Variants in ADGRL3 observed in about 807,000 individuals in gnomAD.
The protein encoded by ADGRL3 is adhesion G protein-coupled receptor L3.
In ADGRL3, 62 loss-of-function variants were observed where a neutral mutation model predicts 153.5. The observed-to-expected ratio is 0.40, with a 90% CI of 0.33 to 0.50. The LOEUF (loss-of-function observed/expected upper bound fraction) is 0.50. Ranked by LOEUF, ADGRL3 falls within the 20% of genes least tolerant of loss-of-function variation. ADGRL3 has a pLI of 0.47. For synonymous variants in ADGRL3, 710 were observed against 672.5 expected (o/e 1.06, Z -0.86); for missense variants, 1,641 against 1,859.4 (o/e 0.88, Z 2.16).
chr4:61,516,727 C>T (rs2098497957), intron 3 of ADGRL3, among the ~76,000 whole-genome samples: 2 of 151,980 alleles, frequency 1.3e-5, no homozygotes, highest in South Asian at 4.1e-4. Flanking sequence ...CAGCACAGAT[C>T]TTAAAACAGC....
chr4:61,972,374 A>G (rs910426793), intron 17 of ADGRL3, among the ~76,000 whole-genome samples: 62 of 152,114 alleles, frequency 4.1e-4, no homozygotes, highest in Non-Finnish European at 7.1e-4. Flanking sequence ...CTTTCTACAT[A>G]TGGCTAGCCA....
At chr4:61,820,214 A>G (rs555783986) in intron 9 of ADGRL3, among the ~76,000 whole-genome samples, 1 of 152,312 alleles carries the variant, frequency 6.6e-6, no homozygotes, top group African/African-American at 2.4e-5. Context: ...GTTGCAAAGT[A>G]GCCACTGAAT....
At chr4:61,581,535 G>T (rs1219181415) in intron 4 of ADGRL3, among the ~76,000 whole-genome samples, 1 of 151,968 alleles carries the variant, frequency 6.6e-6, no homozygotes, top group Admixed American at 6.6e-5. Context: ...CTCTTAAAGG[G>T]CCATAGTTGC....
chr4:61,967,504 A>T (rs2099011279), intron 17 of ADGRL3, among the ~76,000 whole-genome samples: 1 of 152,302 alleles, frequency 6.6e-6, no homozygotes, highest in African/African-American at 2.4e-5. Context: ...TATCCTCTCA[A>T]CAAAAAGGTT....
chr4:61,410,329 C>CTTTT (rs2097069960), intron 2 of ADGRL3, among the ~76,000 whole-genome samples: 2 of 151,996 alleles, frequency 1.3e-5, no homozygotes, highest in Non-Finnish European at 2.9e-5. Flanking sequence ...AAACATTGTA[C>CTTTT]CTTTTATCAC....
chr4:61,757,388 AT>A (rs1279407898), intron 8 of ADGRL3, among the ~76,000 whole-genome samples: 6 of 151,884 alleles, frequency 4.0e-5, no homozygotes, highest in African/African-American at 1.5e-4. Context: ...TTTCTTCTAG[AT>A]TTTCTAGTTT....
At chr4:61,509,735 C>T (rs1423645334) in intron 3 of ADGRL3, among the ~76,000 whole-genome samples, 1 of 152,052 alleles carries the variant, frequency 6.6e-6, no homozygotes, top group East Asian at 1.9e-4. Context: ...TATACAAATG[C>T]ATATGTCTTT....
chr4:61,438,262 T>C (rs534015389), intron 2 of ADGRL3, among the ~76,000 whole-genome samples: 3 of 152,242 alleles, frequency 2.0e-5, no homozygotes, highest in South Asian at 4.1e-4. Context: ...AAAATGCATA[T>C]GAAAATATAA....
chr4:61,286,363 A>C (rs1185857035), intron 1 of ADGRL3, among the ~76,000 whole-genome samples: 1 of 151,096 alleles, frequency 6.6e-6, no homozygotes, highest in African/African-American at 2.4e-5. Flanking sequence ...CTTTTTCAGC[A>C]ATTAAGATTT....
intron 9 of ADGRL3, among the ~76,000 whole-genome samples, chr4:61,829,471 A>G (rs1465497261): frequency 6.6e-6 from 1 of 152,182 alleles, no homozygotes; most frequent in Non-Finnish European, 1.5e-5. Flanking sequence ...AAAATTCCAT[A>G]CTCAATTATG....
intron 8 of ADGRL3, among the ~76,000 whole-genome samples, chr4:61,760,367 C>G (rs2096896375): frequency 6.6e-6 from 1 of 152,130 alleles, no homozygotes; most frequent in South Asian, 2.1e-4. Context: ...GCGGGCGCCC[C>G]TCCCCCAGTC....
chr4:61,662,724 G>T (rs2094642532), intron 5 of ADGRL3, among the ~76,000 whole-genome samples: 1 of 152,220 alleles, frequency 6.6e-6, no homozygotes, highest in Non-Finnish European at 1.5e-5. Context: ...AGGTCTGGGG[G>T]CTGGACTGCC....
intron 9 of ADGRL3, among the ~76,000 whole-genome samples, chr4:61,848,478 A>T (rs999177837): frequency 6.6e-6 from 1 of 151,882 alleles, no homozygotes; most frequent in Non-Finnish European, 1.5e-5. Flanking sequence ...TTTTCTTATA[A>T]GGAAACCAGT....
chr4:61,349,047 A>G (rs1050688070), intron 1 of ADGRL3, among the ~76,000 whole-genome samples: 1 of 152,020 alleles, frequency 6.6e-6, no homozygotes, highest in African/African-American at 2.4e-5. Context: ...AGACAAATAT[A>G]TTTAATTTAA....
intron 8 of ADGRL3, among the ~76,000 whole-genome samples, chr4:61,777,260 G>A (rs1376367171): frequency 6.6e-6 from 1 of 152,024 alleles, no homozygotes; most frequent in African/African-American, 2.4e-5. Context: ...CTGAACCTGC[G>A]AGGCGGAGCT....
At chr4:61,646,462 T>G (rs2093989566) in intron 5 of ADGRL3, among the ~76,000 whole-genome samples, 1 of 152,074 alleles carries the variant, frequency 6.6e-6, no homozygotes, top group South Asian at 2.1e-4. Context: ...GATGGGTTTT[T>G]GGTGTGGATG....
At chr4:61,438,749 C>T (rs1206855612) in intron 2 of ADGRL3, among the ~76,000 whole-genome samples, 2 of 151,034 alleles carry the variant, frequency 1.3e-5, no homozygotes, top group African/African-American at 2.4e-5. Context: ...GCTCTGTCGC[C>T]CAGGCTGGAG....
At chr4:61,666,460 A>G (rs1027727588) in intron 5 of ADGRL3, among the ~76,000 whole-genome samples, 1 of 151,884 alleles carries the variant, frequency 6.6e-6, no homozygotes, top group African/African-American at 2.4e-5. Flanking sequence ...AGTCATGCGG[A>G]GAGGACATTT....
At chr4:61,626,955 A>G (rs1469049383) in intron 5 of ADGRL3, among the ~76,000 whole-genome samples, 1 of 152,138 alleles carries the variant, frequency 6.6e-6, no homozygotes, top group African/African-American at 2.4e-5. Context: ...ACATTTAACT[A>G]TTAGGTTGAT....
Sources: allele counts gnomAD v4.1 joint callset (sites outside exome capture counted in the v4.1 genomes callset), GRCh38; gene constraint gnomAD v4.1.1; transcripts MANE v1.5; gene names NCBI Gene and HGNC (gene_info 2026-07-23, HGNC 2026-07-21).